Variants in ANKMY1 observed in about 807,000 individuals in gnomAD.
ANKMY1 encodes ankyrin repeat and MYND domain-containing protein 1.
A neutral mutation model predicts 102.0 loss-of-function variants in ANKMY1; 98 were observed. The ratio of observed to expected loss-of-function variants is 0.96; its 90% CI spans 0.82 to 1.14. The LOEUF (loss-of-function observed/expected upper bound fraction) is 1.14, where lower values mean the gene tolerates loss of function less well. Ranked by LOEUF, ANKMY1 falls within the 50% of genes most tolerant of loss-of-function variation. The pLI, the probability that ANKMY1 is intolerant of heterozygous loss-of-function variation, is 0.00. For missense variants in ANKMY1, 1,330 were observed against 1,347.6 expected, an observed-to-expected ratio of 0.99 and a Z score of 0.20; for synonymous variants, 582 against 559.9, an observed-to-expected ratio of 1.04 and a Z score of -0.56.
In ANKMY1 at chr2:240,520,582, C is replaced by T; in HGVS notation, c.1833-49G>A. On this transcript the variant is annotated intron_variant, in intron 8 of 17. Coordinates refer to ENST00000401804, the MANE Select transcript of ANKMY1 (RefSeq NM_001282771.3). This position sits in a 1 kb window ranked among gnomAD's most constrained non-coding sequence, Gnocchi z 4.8. ...GGCCCCTGGAGGGCAGGCACCTGCA[C>T]TGCGCCCAGAACGGGGCCATGCCAG... 6.4e-7 allele frequency: 1 copy of T among 1,566,158 alleles called. No individual in the cohort carries two copies. Among genetic ancestry groups the T allele is most frequent in the Non-Finnish European group, 8.6e-7 (1 of 1,156,128 alleles).
chr2:240,516,006 T>A (rs1201232335), intron 9 of ANKMY1, among the ~76,000 whole-genome samples: 1 of 151,694 alleles, frequency 6.6e-6, no homozygotes, highest in African/African-American at 2.4e-5. Flanking sequence ...TTACAGGCAA[T>A]AATAAAATAT....
the ANKMY1 span, among the ~76,000 whole-genome samples, chr2:240,473,478 C>CAAAAAAAA: frequency 1.5e-5 from 2 of 135,066 alleles, no homozygotes; most frequent in African/African-American, 5.6e-5. Flanking sequence ...ACCAATTAAC[C>CAAAAAAAA]AAAAAAAAAA....
At chr2:240,553,792 G>C (rs2091927907) in intron 3 of ANKMY1, 1 of 152,252 alleles carries the variant, frequency 6.6e-6, no homozygotes. Flanking sequence ...CTACTCAGGA[G>C]GCTGAGGCAG....
At chr2:240,561,028 C>T (rs867347548), upstream of ANKMY1, 9 of 1,534,186 alleles carry the variant, frequency 5.9e-6, no homozygotes, top group African/African-American at 1.2e-4. Context: ...GCCGTCTGCA[C>T]CGCGTACCTC....
Position 240,529,261 on chromosome 2 carries a change from G to C in ANKMY1, c.729C>G (p.Asp243Glu). ...LQEGQDPFFY[D>E]YKRFLLNDNL... Reference sequence around the variant, plus strand: ...TGTCATTCAGAAGAAACCGCTTATAGTCATAGAAAAAGGGATCCTGTCCCT... The same window carrying C: ...TGTCATTCAGAAGAAACCGCTTATACTCATAGAAAAAGGGATCCTGTCCCT... The change falls in exon 5 of 18, where the codon GAC becomes GAG. Residue 243 changes from aspartate to glutamate, a missense_variant. Asp to Glu is a conservative substitution (Grantham distance 45, BLOSUM62 2). Transcript: ENST00000401804. This position sits in a 1 kb window ranked among gnomAD's most constrained non-coding sequence, Gnocchi z 4.2. The C allele has an allele frequency of 1.2e-6, 2 of 1,614,158 alleles. No homozygotes were observed. The highest frequency in any genetic ancestry group is 1.6e-4 in the Middle Eastern group (1 of 6,062).
rs1308097157 is a variant in ANKMY1, at chr2:240,499,503, G to T, written c.2806+455C>A. On this transcript the variant is annotated intron_variant, in intron 15 of 17. Transcript: ENST00000401804. This position sits in a 1 kb window ranked among gnomAD's most constrained non-coding sequence, Gnocchi z 4.2. ...GTACATGGGGGAGTAGATGTCAGTA[G>T]GTACTGCGTTTGTGGAGTGGGTGCA... Among the ~76,000 whole-genome samples the T allele has an allele frequency of 1.3e-5, 2 of 151,928 alleles. No homozygotes were observed. Among genetic ancestry groups the T allele is most frequent in the Non-Finnish European group, 2.9e-5 (2 of 67,948 alleles).
chr2:240,479,449 A>G lies in ANKMY1; in HGVS notation c.*160T>C, dbSNP rs1465726347. The G allele has an allele frequency of 1.1e-6, 1 of 890,576 alleles. No individual in the cohort carries two copies. The highest frequency in any genetic ancestry group is 1.8e-6 in the Non-Finnish European group (1 of 566,206). The allele number at this position is 890,576 out of a possible 1,614,324, so 55.2% of individuals were successfully genotyped here. Reference sequence around the variant, plus strand: ...CTGTCAAAATCACCCCGTGGGGCCAATTTATTGCGAGGTCGCAAGGGAGAC... The same window carrying G: ...CTGTCAAAATCACCCCGTGGGGCCAGTTTATTGCGAGGTCGCAAGGGAGAC... On this transcript the variant is annotated 3_prime_UTR_variant, in exon 18 of 18. Transcript: ENST00000401804.
chr2:240,487,588 A>G (rs1263244057), intron 15 of ANKMY1, among the ~76,000 whole-genome samples: 2 of 152,130 alleles, frequency 1.3e-5, no homozygotes, highest in Non-Finnish European at 2.9e-5. Flanking sequence ...CATTCAACCA[A>G]CAGCATATAA....
the ANKMY1 span, among the ~76,000 whole-genome samples, chr2:240,471,835 C>A: frequency 6.6e-6 from 1 of 152,160 alleles, no homozygotes; most frequent in African/African-American, 2.4e-5. Flanking sequence ...GGGTCCTTTG[C>A]AGATCCAGAA....
Position 240,526,335 on chromosome 2 carries a change from T to C in ANKMY1, c.1064A>G (p.Lys355Arg). ...CCATTCGTGGTTCCCTTCCTCAGCC[T>C]TTAGGATCATCTCCATGGAAAGTTG... is the stretch of plus-strand genomic sequence containing the variant. ...KEQLSMEMILKAEEGNHEWIC... is the reference protein window; with the variant it reads ...KEQLSMEMILRAEEGNHEWIC... The change falls in exon 6 of 18, where the codon AAG (lysine) becomes AGG (arginine). Residue 355 changes from lysine to arginine, a missense_variant. Lys to Arg is a conservative substitution (Grantham distance 26). Coordinates refer to ENST00000401804, the MANE Select transcript of ANKMY1 (RefSeq NM_001282771.3). 1 of 1,614,230 alleles carries C rather than the reference T, an allele frequency of 6.2e-7. No individual in the cohort carries two copies. Among genetic ancestry groups the C allele is most frequent in the Middle Eastern group, 1.6e-4 (1 of 6,062 alleles).
chr2:240,532,245 C>G, intron 4 of ANKMY1: 1 of 348,626 alleles, frequency 2.9e-6, no homozygotes, highest in South Asian at 2.3e-5. Context: ...AAGATGGAAG[C>G]CAGGAAACAA....
intron 4 of ANKMY1, among the ~76,000 whole-genome samples, chr2:240,541,782 G>A (rs912569427): frequency 6.6e-6 from 1 of 152,092 alleles, no homozygotes; most frequent in Admixed American, 6.6e-5. Flanking sequence ...GATTACAGGC[G>A]TGAGCCACCA....
chr2:240,509,303 G>A (rs773835301), intron 12 of ANKMY1, 45 bp downstream of exon 12: 46 of 1,517,252 alleles, frequency 3.0e-5, no homozygotes, highest in Admixed American at 9.2e-5. Flanking sequence ...CACTGGAGAC[G>A]GAAACACATA....
chr2:240,469,047 G>A, the ANKMY1 span, among the ~76,000 whole-genome samples: 1 of 152,182 alleles, frequency 6.6e-6, no homozygotes, highest in Non-Finnish European at 1.5e-5. Flanking sequence ...GCAGCCTGGG[G>A]GCTCAGCGGG....
Position 240,520,003 on chromosome 2 carries a change from C to A in ANKMY1, c.2004+359G>T. 2.0e-6 allele frequency: 1 copy of A among 495,884 alleles called. No homozygotes were observed. Among genetic ancestry groups the A allele is most frequent in the Non-Finnish European group, 4.1e-6 (1 of 241,914 alleles). 30.7% of individuals were successfully genotyped at this position (495,884 alleles called of 1,614,324 possible). A position where few individuals can be genotyped will look rare whatever the true frequency, so the allele number is the denominator to read the frequency against. On this transcript the variant is annotated intron_variant, in intron 9 of 17. Coordinates refer to ENST00000401804, the MANE Select transcript of ANKMY1 (RefSeq NM_001282771.3). The surrounding 1 kb of genome is among the most constrained non-coding windows in gnomAD (Gnocchi z 4.8). Reference sequence around the variant, plus strand: ...ACCCTTTGCCTCTCCTGCCTGCGTCCTTGTGATGCTGAGCGTGGGTTGAAA... The same window carrying A: ...ACCCTTTGCCTCTCCTGCCTGCGTCATTGTGATGCTGAGCGTGGGTTGAAA...
chr2:240,477,527 C>T (rs750118540), downstream of ANKMY1, among the ~76,000 whole-genome samples: 12 of 152,128 alleles, frequency 7.9e-5, no homozygotes, highest in Non-Finnish European at 1.6e-4. Flanking sequence ...TCCTGAGTAG[C>T]TGGGACTACG....
chr2:240,523,011 G>GC (rs1295867469), intron 8 of ANKMY1: 1 of 152,190 alleles, frequency 6.6e-6, no homozygotes, highest in Non-Finnish European at 1.5e-5. Flanking sequence ...CAAAAATGGG[G>GC]CAGGAGGTTG....
upstream of ANKMY1, chr2:240,560,678 G>T: frequency 1.3e-6 from 2 of 1,512,116 alleles, no homozygotes; most frequent in South Asian, 2.5e-5. Flanking sequence ...ACTCTTCGGC[G>T]GGCGCCATGG....
chr2:240,504,873 G>A (rs1407712884), intron 13 of ANKMY1, among the ~76,000 whole-genome samples: 2 of 152,028 alleles, frequency 1.3e-5, no homozygotes, highest in Non-Finnish European at 2.9e-5. Context: ...TGGGTGTGGT[G>A]GTGGGCGCCT....
Sources: gnomAD v4.1 joint callset for allele counts (sites outside exome capture counted in the v4.1 genomes callset) on GRCh38, gnomAD v4.1.1 for gene constraint, Gnocchi (gnomAD v3.1) non-coding constraint, MANE v1.5 for transcripts, NCBI Gene and HGNC (gene_info 2026-07-23, HGNC 2026-07-21) for gene names.